Variants in HRH1 observed in about 807,000 individuals in gnomAD.
HRH1 encodes the protein histamine receptor H1, also known as histamine H1 receptor.
Under a neutral mutation model 10.3 loss-of-function variants are expected in HRH1, and 6 were observed. The observed-to-expected ratio is 0.58, with a 90% CI of 0.32 to 1.15. The LOEUF is 1.15. Ranked by LOEUF, HRH1 falls within the 50% of genes most tolerant of loss-of-function variation. HRH1 has a pLI of 0.05. For synonymous variants in HRH1, 242 were observed against 236.7 expected (o/e 1.02, Z -0.21); for missense variants, 514 against 615.3 (o/e 0.84, Z 1.74).
At chr3:11,211,426 G>A (rs1359798785) in intron 1 of HRH1, among the ~76,000 whole-genome samples, 1 of 152,222 alleles carries the variant, frequency 6.6e-6, no homozygotes, top group South Asian at 2.1e-4. Flanking sequence ...TGCTAAGGCA[G>A]TACCTACTGT....
At chr3:11,220,316 G>C (rs1047277841) in intron 1 of HRH1, among the ~76,000 whole-genome samples, 2 of 152,138 alleles carry the variant, frequency 1.3e-5, no homozygotes, top group African/African-American at 2.4e-5. Flanking sequence ...TTGCTGTATA[G>C]TCTTGGTAAA....
At chr3:11,255,139 A>G (rs1939751754) in intron 1 of HRH1, among the ~76,000 whole-genome samples, 1 of 152,184 alleles carries the variant, frequency 6.6e-6, no homozygotes, top group Non-Finnish European at 1.5e-5. Context: ...AGAACAGAGA[A>G]CTAAACCTTT....
chr3:11,246,602 T>C (rs1305774498), intron 1 of HRH1, among the ~76,000 whole-genome samples: 2 of 152,258 alleles, frequency 1.3e-5, no homozygotes, highest in Non-Finnish European at 1.5e-5. Flanking sequence ...AGCTATTTTT[T>C]TATTCATTTC....
intron 1 of HRH1, among the ~76,000 whole-genome samples, chr3:11,203,414 A>G (rs765838221): frequency 6.6e-6 from 1 of 152,136 alleles, no homozygotes; most frequent in Non-Finnish European, 1.5e-5. Flanking sequence ...TTGGTATTGT[A>G]TCTAAAAAGT....
chr3:11,237,469 G>A lies in HRH1; in HGVS notation c.-35-21534G>A, dbSNP rs139952376. Among the ~76,000 whole-genome samples, 468 of 152,158 alleles carry A rather than the reference G, an allele frequency of 3.1e-3. 4 individuals are homozygous for A. The highest frequency in any genetic ancestry group is 0.011 in the African/African-American group (451 of 41,502). ...AGTCACTCTGGGATCTCTTAGTGCAGGCACCAAGCCCTAAAAACTCCAGAA... is the reference window on the plus strand; with the variant it reads ...AGTCACTCTGGGATCTCTTAGTGCAAGCACCAAGCCCTAAAAACTCCAGAA... On this transcript the variant is annotated intron_variant, in intron 1 of 1. Transcript: ENST00000431010.
At chr3:11,182,968 T>C (rs893349692) in intron 1 of HRH1, among the ~76,000 whole-genome samples, 3 of 152,220 alleles carry the variant, frequency 2.0e-5, no homozygotes, top group Non-Finnish European at 2.9e-5. Flanking sequence ...TTTCCCTTTT[T>C]TTCCTTTTCT....
Position 11,259,462 on chromosome 3 carries a change from C to T in HRH1, c.425C>T (p.Thr142Ile), listed in dbSNP as rs1281295419. The change falls in exon 2 of 2, where the codon ACC becomes ATC. Residue 142 changes from threonine to isoleucine, a missense_variant. By Grantham distance (89) the Thr-to-Ile change is moderately conservative. Coordinates refer to ENST00000431010, the MANE Select transcript of HRH1 (RefSeq NM_001098212.2). The surrounding 1 kb of genome is among the most constrained non-coding windows in gnomAD (Gnocchi z 4.6). ...PLRYLKYRTK[T>I]RASATILGAW... ...AGGTACCTTAAGTATCGTACCAAGA[C>T]CCGAGCCTCGGCCACCATTCTGGGG... 6.2e-7 allele frequency: 1 copy of T among 1,613,856 alleles called. No individual in the cohort carries two copies. The highest frequency in any genetic ancestry group is 8.5e-7 in the Non-Finnish European group (1 of 1,179,994).
chr3:11,257,748 G>A (rs1187389325), intron 1 of HRH1, among the ~76,000 whole-genome samples: 3 of 152,162 alleles, frequency 2.0e-5, no homozygotes, highest in Non-Finnish European at 4.4e-5. Flanking sequence ...CTGGAGTGCA[G>A]TGATGTGATC....
intron 1 of HRH1, among the ~76,000 whole-genome samples, chr3:11,196,380 A>C (rs1296589275): frequency 6.6e-6 from 1 of 150,986 alleles, no homozygotes; most frequent in Non-Finnish European, 1.5e-5. Context: ...CCACAAACAC[A>C]CTGTTACATT....
Position 11,187,196 on chromosome 3 carries a change from A to T in HRH1, c.-36+32642A>T, listed in dbSNP as rs1053689600. Among the ~76,000 whole-genome samples, 3 of 152,112 alleles carry T rather than the reference A, an allele frequency of 2.0e-5. No individual in the cohort carries two copies. In the South Asian group the frequency reaches 6.2e-4, roughly 31 times the overall value. ...GCCCTACTTTCCACTACTGACAAAG[A>T]TATCTTTTTCTCTGCTGAACAGAAT... On this transcript the variant is annotated intron_variant, in intron 1 of 1. Transcript: ENST00000431010.
chr3:11,218,674 C>A lies in HRH1; in HGVS notation c.-35-40329C>A, dbSNP rs528216950. Among the ~76,000 whole-genome samples the A allele has an allele frequency of 2.6e-5, 4 of 151,804 alleles. No homozygotes were observed. The East Asian group carries it at 5.9e-4, about 22-fold the overall frequency. On this transcript the variant is annotated intron_variant, in intron 1 of 1. Transcript: ENST00000431010. ...CACTGCAGCCTCCACCTCCCAAGTT[C>A]AAGTGATTCTCCTGCCTCAGTCTCC...
At position 11,259,395 on chromosome 3, in the gene HRH1, A is replaced by G. The variant is rs1939874791; in HGVS notation, c.358A>G (p.Ile120Val). The G allele has an allele frequency of 6.2e-7, 1 of 1,613,564 alleles. No homozygotes were observed. The highest frequency in any genetic ancestry group is 1.3e-5 in the African/African-American group (1 of 74,770). Residue 120 changes from isoleucine to valine, a missense_variant, in exon 2 of 2, where the codon ATC becomes GTC. Physicochemically the swap from Ile to Val is conservative, Grantham distance 29. Transcript: ENST00000431010. This position sits in a 1 kb window ranked among gnomAD's most constrained non-coding sequence, Gnocchi z 4.6. The stretch of plus-strand genomic sequence containing the variant: ...CACAGCGTCCATTTTCAGTGTCTTC[A>G]TCCTGTGCATTGATCGCTACCGCTC... Reference protein sequence around the residue: ...ASTASIFSVFILCIDRYRSVQ... With the variant: ...ASTASIFSVFVLCIDRYRSVQ...
intron 1 of HRH1, among the ~76,000 whole-genome samples, chr3:11,249,319 C>T (rs1226045553): frequency 2.7e-5 from 4 of 145,952 alleles, no homozygotes; most frequent in East Asian, 2.1e-4. Flanking sequence ...AGGAGAATGG[C>T]GTGAACTCGG....
chr3:11,156,134 T>C (rs1404001882), intron 1 of HRH1, among the ~76,000 whole-genome samples: 1 of 152,208 alleles, frequency 6.6e-6, no homozygotes, highest in African/African-American at 2.4e-5. Flanking sequence ...ACAGGAATCC[T>C]GGACAACCCC....
chr3:11,178,510 G>A (rs73117667), intron 1 of HRH1, among the ~76,000 whole-genome samples: 13,160 of 152,228 alleles, frequency 0.086, 1,014 homozygotes, highest in African/African-American at 0.21. Flanking sequence ...AAAGGCATGC[G>A]CCTGTGATCT....
intron 1 of HRH1, among the ~76,000 whole-genome samples, chr3:11,143,838 C>T (rs554042447): frequency 6.6e-6 from 1 of 152,186 alleles, no homozygotes; most frequent in African/African-American, 2.4e-5. Context: ...ACATCCTCCC[C>T]CTTCAAGCCG....
At chr3:11,241,815 G>A (rs1489342882) in intron 1 of HRH1, among the ~76,000 whole-genome samples, 8 of 148,998 alleles carry the variant, frequency 5.4e-5, no homozygotes, top group Admixed American at 2.0e-4. Flanking sequence ...CAGCCTGGGG[G>A]ACAGAGCGAG....
At chr3:11,162,100 C>T (rs1936938333) in intron 1 of HRH1, among the ~76,000 whole-genome samples, 1 of 152,194 alleles carries the variant, frequency 6.6e-6, no homozygotes, top group Non-Finnish European at 1.5e-5. Flanking sequence ...GGTGGCCCCT[C>T]CCTGTCCTTC....
At chr3:11,253,870 G>A (rs569343547) in intron 1 of HRH1, among the ~76,000 whole-genome samples, 35 of 152,194 alleles carry the variant, frequency 2.3e-4, no homozygotes, top group African/African-American at 6.7e-4. Flanking sequence ...AAAACTGATC[G>A]ATCTGATCTG....
Sources: allele counts gnomAD v4.1 joint callset (sites outside exome capture counted in the v4.1 genomes callset), GRCh38; gene constraint gnomAD v4.1.1; non-coding constraint Gnocchi (gnomAD v3.1); transcripts MANE v1.5; gene names NCBI Gene and HGNC (gene_info 2026-07-23, HGNC 2026-07-21).